Variants in VPS53 observed in about 807,000 individuals in gnomAD.
The protein encoded by VPS53 is vacuolar protein sorting-associated protein 53 homolog.
In VPS53, 70 loss-of-function variants were observed where a neutral mutation model predicts 107.0. The observed-to-expected ratio is 0.65, with a 90% CI of 0.54 to 0.80. VPS53 has a LOEUF of 0.80. Ranked by LOEUF, VPS53 falls within the 30% of genes least tolerant of loss-of-function variation. The pLI is 0.00. For missense variants in VPS53, 917 were observed against 1,049.4 expected (o/e 0.87, Z 1.74); for synonymous variants, 409 against 393.3 (o/e 1.04, Z -0.47).
chr17:699,037 C>CA (rs1047606772), intron 3 of VPS53, among the ~76,000 whole-genome samples: 6 of 151,900 alleles, frequency 3.9e-5, no homozygotes, highest in African/African-American at 1.5e-4. Context: ...CGTGGTGGCT[C>CA]ACACCTGTAA....
At chr17:691,924 G>A (rs533372224) in intron 4 of VPS53, among the ~76,000 whole-genome samples, 30 of 152,280 alleles carry the variant, frequency 2.0e-4, no homozygotes, top group African/African-American at 7.2e-4. Context: ...GGCATATATA[G>A]GGTTTGCTAC....
At chr17:613,283 T>C (rs1185525210) in intron 11 of VPS53, among the ~76,000 whole-genome samples, 4 of 140,566 alleles carry the variant, frequency 2.8e-5, no homozygotes, top group South Asian at 4.5e-4. Context: ...TGTACAGATA[T>C]TCACAGCAGT....
intron 7 of VPS53, among the ~76,000 whole-genome samples, chr17:634,114 T>C (rs1246459501): frequency 6.6e-6 from 1 of 152,192 alleles, no homozygotes; most frequent in Non-Finnish European, 1.5e-5. Flanking sequence ...ATGACACTGG[T>C]GGGCCCGGCT....
intron 6 of VPS53, among the ~76,000 whole-genome samples, chr17:654,653 C>T (rs937970492): frequency 4.2e-5 from 6 of 144,364 alleles, no homozygotes; most frequent in Admixed American, 1.4e-4. Context: ...AGGAGAATGG[C>T]GGGAACCCGG....
chr17:553,696 G>A (rs376025164), intron 15 of VPS53, among the ~76,000 whole-genome samples: 101 of 149,966 alleles, frequency 6.7e-4, no homozygotes, highest in African/African-American at 2.3e-3. Context: ...TCAGCCTCCC[G>A]AGTAGCTGGG....
At chr17:684,974 G>A (rs567138541) in intron 4 of VPS53, 1 of 152,080 alleles carries the variant, frequency 6.6e-6, no homozygotes, top group South Asian at 2.1e-4. Context: ...GGCAACAAGA[G>A]CTAGATTCTG....
At chr17:643,517 C>A (rs1326230228) in intron 7 of VPS53, among the ~76,000 whole-genome samples, 6 of 91,910 alleles carry the variant, frequency 6.5e-5, no homozygotes, top group African/African-American at 2.3e-4. Context: ...TCATACTTGG[C>A]AACTGAGGAC....
At chr17:633,575 G>A (rs1316597215) in intron 7 of VPS53, among the ~76,000 whole-genome samples, 1 of 152,106 alleles carries the variant, frequency 6.6e-6, no homozygotes, top group Non-Finnish European at 1.5e-5. Context: ...CCGTGGCGTG[G>A]TTACAATTAT....
At chr17:625,463 A>G (rs904733793) in intron 10 of VPS53, among the ~76,000 whole-genome samples, 2 of 132,570 alleles carry the variant, frequency 1.5e-5, no homozygotes, top group Admixed American at 1.6e-4. Flanking sequence ...ACACTGCGAG[A>G]CCCCCATCTC....
intron 7 of VPS53, among the ~76,000 whole-genome samples, chr17:650,229 T>G (rs1285621222): frequency 6.6e-6 from 1 of 152,196 alleles, no homozygotes; most frequent in African/African-American, 2.4e-5. Context: ...GTACAGTGGC[T>G]CACGCTTGTA....
At chr17:629,619 C>A (rs1352114797) in intron 8 of VPS53, among the ~76,000 whole-genome samples, 1 of 151,574 alleles carries the variant, frequency 6.6e-6, no homozygotes, top group Non-Finnish European at 1.5e-5. Context: ...AAAAATTAGC[C>A]AGGCGTGGTG....
intron 17 of VPS53, chr17:538,695 A>G (rs1405194633): frequency 6.6e-6 from 1 of 152,232 alleles, no homozygotes; most frequent in African/African-American, 2.4e-5. Context: ...TTTCACAGAT[A>G]AGAAAGCCAA....
chr17:590,454 C>T (rs1418256050), intron 12 of VPS53, among the ~76,000 whole-genome samples: 1 of 150,982 alleles, frequency 6.6e-6, no homozygotes, highest in African/African-American at 2.4e-5. Flanking sequence ...CTGTCTTGTG[C>T]CAGTTTTCAA....
chr17:575,890 C>T (rs1377497126), intron 13 of VPS53, among the ~76,000 whole-genome samples: 6 of 151,858 alleles, frequency 4.0e-5, no homozygotes, highest in African/African-American at 7.3e-5. Context: ...CTAATGCATT[C>T]GCAGCGAACC....
At chr17:571,546 C>T (rs897028370) in intron 13 of VPS53, among the ~76,000 whole-genome samples, 51,752 of 107,658 alleles carry the variant, frequency 0.48, 8,760 homozygotes, top group Middle Eastern at 0.56. Context: ...TCCCTCTCCC[C>T]ACGGTCTCCC....
At chr17:572,985 G>A (rs147922538) in intron 13 of VPS53, among the ~76,000 whole-genome samples, 46 of 151,824 alleles carry the variant, frequency 3.0e-4, no homozygotes, top group Admixed American at 1.7e-3. Flanking sequence ...CTATGACCCT[G>A]CCAAATCCCC....
intron 5 of VPS53, chr17:656,707 T>C: frequency 3.2e-6 from 1 of 314,794 alleles, no homozygotes; most frequent in Non-Finnish European, 6.2e-6. Flanking sequence ...GAAATGTGTG[T>C]GTGTGTGTGT....
Position 516,229 on chromosome 17 carries a change from G to A in VPS53, c.*2899C>T, listed in dbSNP as rs1555545685. The A allele has an allele frequency of 6.6e-6, 1 of 152,100 alleles. No individual in the cohort carries two copies. The highest frequency in any genetic ancestry group is 1.5e-5 in the Non-Finnish European group (1 of 68,032). 9.4% of individuals were successfully genotyped at this position (152,100 alleles called of 1,614,324 possible). ...AAAATAGACATGTATGAAAATGCGT[G>A]GCAGGAGCCCTTCCATAAAGCAAAT... On this transcript the variant is annotated 3_prime_UTR_variant, in exon 22 of 22. Coordinates refer to ENST00000437048, the MANE Select transcript of VPS53 (RefSeq NM_001128159.3).
In VPS53 at chr17:662,834, A is replaced by AAAGGAAGGAAGGAAGGAAGGAAGGAAGG. The variant is rs796580340; in HGVS notation, c.286-967_286-940dup. Among the ~76,000 whole-genome samples, 21 of 121,156 alleles carry AAAGGAAGGAAGGAAGGAAGGAAGGAAGG rather than the reference A, an allele frequency of 1.7e-4. No individual in the cohort carries two copies. In the East Asian group the frequency reaches 2.3e-3, roughly 13 times the overall value. The allele number at this position is 121,156 out of a possible 152,430, so 79.5% of individuals were successfully genotyped here. On this transcript the variant is annotated intron_variant, in intron 4 of 21. Transcript: ENST00000437048. Reference sequence around the variant, plus strand: ...AAAAGAAAGAAAGAGAAAGAGAAAGAAAGGAAGGAAGGAAGGAAGGAAGGA... The same window carrying AAAGGAAGGAAGGAAGGAAGGAAGGAAGG: ...AAAAGAAAGAAAGAGAAAGAGAAAGAAAGGAAGGAAGGAAGGAAGGAAGGAAGGAAGGAAGGAAGGAAGGAAGGAAGGA...
Sources: gnomAD v4.1 joint callset for allele counts (sites outside exome capture counted in the v4.1 genomes callset) on GRCh38, gnomAD v4.1.1 for gene constraint, MANE v1.5 for transcripts, NCBI Gene and HGNC (gene_info 2026-07-23, HGNC 2026-07-21) for gene names.